TFEC: variants seen among roughly 807,000 people sequenced by gnomAD.
TFEC encodes transcription factor EC, also known as class E basic helix-loop-helix protein 34.
In TFEC, 31 loss-of-function variants were observed where a neutral mutation model predicts 41.6. The observed-to-expected ratio is 0.74, with a 90% CI of 0.56 to 1.01. TFEC has a LOEUF of 1.01. Ranked by LOEUF, TFEC falls within the 50% of genes least tolerant of loss-of-function variation. The pLI is 0.00. For synonymous variants in TFEC, 143 were observed against 140.6 expected (o/e 1.02, Z -0.12); for missense variants, 402 against 404.1 (o/e 0.99, Z 0.04).
intron 3 of TFEC, among the ~76,000 whole-genome samples, chr7:116,086,599 T>C (rs1032821636): frequency 4.0e-5 from 6 of 151,692 alleles, no homozygotes; most frequent in African/African-American, 1.5e-4. Context: ...CAAGCTGTAA[T>C]GCTATAAGAC....
At chr7:116,077,252 G>A (rs974331718) in intron 3 of TFEC, among the ~76,000 whole-genome samples, 1 of 152,044 alleles carries the variant, frequency 6.6e-6, no homozygotes, top group African/African-American at 2.4e-5. Context: ...TACCAAACCA[G>A]TACTACAAGA....
chr7:115,988,235 C>A (rs1022878202), intron 1 of TFEC, among the ~76,000 whole-genome samples: 1 of 151,932 alleles, frequency 6.6e-6, no homozygotes, highest in Non-Finnish European at 1.5e-5. Flanking sequence ...AGCATTATAA[C>A]CAGACTCAGA....
intron 3 of TFEC, among the ~76,000 whole-genome samples, chr7:116,037,426 T>C (rs1562946472): frequency 1.3e-5 from 2 of 151,916 alleles, no homozygotes; most frequent in South Asian, 2.1e-4. Context: ...AAATCAGACA[T>C]GGGTGCATAG....
At chr7:116,118,785 C>T (rs17138320) in intron 1 of TFEC, among the ~76,000 whole-genome samples, 8 of 151,590 alleles carry the variant, frequency 5.3e-5, no homozygotes, top group South Asian at 4.1e-4. Flanking sequence ...TGGCTATAAG[C>T]GCTGGGAGGC....
At chr7:115,977,875 T>C (rs1025404372) in intron 2 of TFEC, among the ~76,000 whole-genome samples, 4 of 147,766 alleles carry the variant, frequency 2.7e-5, no homozygotes, top group African/African-American at 7.6e-5. Flanking sequence ...GTATGTCATA[T>C]ATAATGTTAA....
At chr7:115,969,226 A>G (rs1233361318) in intron 3 of TFEC, among the ~76,000 whole-genome samples, 1 of 151,926 alleles carries the variant, frequency 6.6e-6, no homozygotes, top group Non-Finnish European at 1.5e-5. Flanking sequence ...CTCCAGAGAC[A>G]CAGCAGTAAA....
chr7:115,999,257 A>G (rs1794493111), intron 1 of TFEC, among the ~76,000 whole-genome samples: 1 of 152,066 alleles, frequency 6.6e-6, no homozygotes, highest in Non-Finnish European at 1.5e-5. Context: ...GCAAATTAAG[A>G]AATTAAGAAG....
At chr7:115,942,625 C>G (rs560616030) in intron 6 of TFEC, among the ~76,000 whole-genome samples, 1 of 151,868 alleles carries the variant, frequency 6.6e-6, no homozygotes, top group Non-Finnish European at 1.5e-5. Context: ...TTTTTCTATA[C>G]AAACATCATC....
At chr7:116,081,113 C>T (rs768015046) in intron 3 of TFEC, among the ~76,000 whole-genome samples, 1 of 151,558 alleles carries the variant, frequency 6.6e-6, no homozygotes, top group East Asian at 1.9e-4. Context: ...GAAGTACCTC[C>T]GGAATAGAAT....
intron 1 of TFEC, among the ~76,000 whole-genome samples, chr7:116,137,885 A>G (rs75691215): frequency 0.16 from 23,585 of 151,248 alleles, 1,972 homozygotes; most frequent in East Asian, 0.33. Flanking sequence ...TGAAAATATT[A>G]ATAAATAAAT....
intron 1 of TFEC, chr7:116,121,569 G>A (rs1798108556): frequency 6.6e-6 from 1 of 152,016 alleles, no homozygotes. Context: ...TTTAGGTTAT[G>A]TGAATTTCAC....
At chr7:116,159,599 A>G (rs1208750884) in intron 1 of TFEC, among the ~76,000 whole-genome samples, 1 of 152,128 alleles carries the variant, frequency 6.6e-6, no homozygotes, top group Non-Finnish European at 1.5e-5. Context: ...ATCAAATATC[A>G]TCCATAAAAA....
At chr7:116,157,380 T>A (rs1798891277) in intron 1 of TFEC, 1 of 149,206 alleles carries the variant, frequency 6.7e-6, no homozygotes, top group Non-Finnish European at 1.5e-5. Context: ...CCAAAAAAAA[T>A]AAATAAGTAA....
Position 115,961,105 on chromosome 7 carries a change from A to G in TFEC, c.268-4312T>C, listed in dbSNP as rs543712666. Among the ~76,000 whole-genome samples, 4 of 151,826 alleles carry G rather than the reference A, an allele frequency of 2.6e-5. No homozygotes were observed. The South Asian group carries it at 6.2e-4, about 24-fold the overall frequency. ...TTTGAAAAGTCAAGCAGACAAAAAT[A>G]ATCAGTAATGCTACAGAAGACTGGA... is the stretch of plus-strand genomic sequence containing the variant. On this transcript the variant is annotated intron_variant, in intron 3 of 7. Transcript: ENST00000265440.
At chr7:115,997,334 C>A (rs1413889893) in intron 1 of TFEC, among the ~76,000 whole-genome samples, 2 of 152,144 alleles carry the variant, frequency 1.3e-5, no homozygotes, top group Non-Finnish European at 2.9e-5. Flanking sequence ...TCTAAGACCG[C>A]CAAGGTGGTA....
intron 3 of TFEC, among the ~76,000 whole-genome samples, chr7:115,971,441 A>G (rs1584613738): frequency 6.6e-6 from 1 of 151,814 alleles, no homozygotes; most frequent in South Asian, 2.1e-4. Flanking sequence ...ATTTCTTTCC[A>G]TATCTGTTGA....
chr7:115,978,947 A>C (rs568233712), intron 2 of TFEC, among the ~76,000 whole-genome samples: 10 of 152,138 alleles, frequency 6.6e-5, no homozygotes, highest in African/African-American at 1.9e-4. Context: ...TTTATTTCTC[A>C]TTCAAGATTT....
chr7:116,158,533 AT>A (rs963299299), intron 1 of TFEC, among the ~76,000 whole-genome samples: 1 of 152,072 alleles, frequency 6.6e-6, no homozygotes, highest in Admixed American at 6.6e-5. Flanking sequence ...TAAGCCATTT[AT>A]TTTTTTATTT....
rs1397111399 is a variant in TFEC, at chr7:115,937,812, C to T, written c.*2739G>A. ...ATTTTTCACTTGGGATCCAAGAAAA[C>T]ATTCAGGAGATCCCTAAGATCTCTG... On this transcript the variant is annotated 3_prime_UTR_variant, in exon 8 of 8. Coordinates refer to ENST00000265440, the MANE Select transcript of TFEC (RefSeq NM_012252.4). The T allele has an allele frequency of 6.6e-6, 1 of 151,664 alleles. No homozygotes were observed. Among genetic ancestry groups the T allele is most frequent in the African/African-American group, 2.4e-5 (1 of 41,348 alleles). 9.4% of individuals were successfully genotyped at this position (151,664 alleles called of 1,614,324 possible).
Sources: gnomAD v4.1 joint callset for allele counts (sites outside exome capture counted in the v4.1 genomes callset) on GRCh38, gnomAD v4.1.1 for gene constraint, MANE v1.5 for transcripts, NCBI Gene and HGNC (gene_info 2026-07-23, HGNC 2026-07-21) for gene names.